The following BTBD1 variants were observed in gnomAD, a reference collection of about 807,000 sequenced individuals.
BTBD1 encodes the protein BTB domain containing 1.
A neutral mutation model predicts 48.0 loss-of-function variants in BTBD1; 34 were observed. That is an observed-to-expected ratio of 0.71 (90% confidence interval 0.54 to 0.94). The LOEUF (loss-of-function observed/expected upper bound fraction) is 0.94. BTBD1 is among the 40% of genes least tolerant of loss of function. The probability of loss-of-function intolerance (pLI) is 0.00; values close to 1 mark genes in which losing one functional copy is unlikely to be tolerated. For synonymous variants in BTBD1, 261 were observed against 242.1 expected, an observed-to-expected ratio of 1.08 and a Z score of -0.72; for missense variants, 543 against 625.6, an observed-to-expected ratio of 0.87 and a Z score of 1.41.
chr15:83,020,416 C>A (rs539264992), intron 6 of BTBD1: 4 of 341,652 alleles, frequency 1.2e-5, no homozygotes, highest in Middle Eastern at 8.2e-4. Flanking sequence ...GACTGCACAG[C>A]AGGAAGTACT....
At chr15:83,049,582 C>T (rs1381095015) in intron 3 of BTBD1, among the ~76,000 whole-genome samples, 1 of 150,090 alleles carries the variant, frequency 6.7e-6, no homozygotes, top group Non-Finnish European at 1.5e-5. Context: ...TACCATATGT[C>T]CTCTCTTTTT....
chr15:83,058,874 G>C (rs2033132284), intron 1 of BTBD1, among the ~76,000 whole-genome samples: 1 of 152,136 alleles, frequency 6.6e-6, no homozygotes, highest in South Asian at 2.1e-4. Flanking sequence ...AAGGTTTGTA[G>C]AGAAATTTCT....
chr15:83,032,592 T>C (rs761496666), intron 4 of BTBD1, among the ~76,000 whole-genome samples: 7 of 152,120 alleles, frequency 4.6e-5, no homozygotes, highest in Non-Finnish European at 1.0e-4. Flanking sequence ...TTGGATGAAC[T>C]TGGAGGCCAT....
At position 83,022,701 on chromosome 15, in the gene BTBD1, C is replaced by T. The variant is rs185501615; in HGVS notation, c.1056-1939G>A. 7.1e-3 allele frequency: 1,051 copies of T among 147,312 alleles called. 7 individuals are homozygous for T. Among genetic ancestry groups the T allele is most frequent in the Non-Finnish European group, 0.012 (822 of 67,388 alleles). The allele number at this position is 147,312 out of a possible 1,614,324, so 9.1% of individuals were successfully genotyped here. On this transcript the variant is annotated intron_variant, in intron 5 of 7. Transcript: ENST00000261721. ...AAAATAGACCAGGCACAGTGGCTCA[C>T]GCCTGTAATCCCAGCACTTTGGGAG...
chr15:83,041,158 A>C (rs2032749289), intron 4 of BTBD1, among the ~76,000 whole-genome samples: 1 of 134,960 alleles, frequency 7.4e-6, no homozygotes, highest in African/African-American at 2.9e-5. Context: ...TCTCAAAAAA[A>C]GAAAAAAAAG....
At chr15:83,056,321 A>T in intron 2 of BTBD1, 68 bp downstream of exon 2, 1 of 977,344 alleles carries the variant, frequency 1.0e-6, no homozygotes, top group South Asian at 1.8e-5. Flanking sequence ...AGGAAATATT[A>T]AATGCCCATA....
intron 2 of BTBD1, among the ~76,000 whole-genome samples, chr15:83,051,383 T>C (rs1302869613): frequency 6.6e-6 from 1 of 151,898 alleles, no homozygotes; most frequent in East Asian, 1.9e-4. Flanking sequence ...CTGATAAATA[T>C]CTAAACAATT....
intron 4 of BTBD1, among the ~76,000 whole-genome samples, chr15:83,040,931 C>T (rs1319704879): frequency 6.6e-6 from 1 of 151,814 alleles, no homozygotes; most frequent in Non-Finnish European, 1.5e-5. Flanking sequence ...CTTTGGGAGG[C>T]TTGAGCCCAG....
chr15:83,052,391 T>C (rs561832581), intron 2 of BTBD1, among the ~76,000 whole-genome samples: 2 of 152,300 alleles, frequency 1.3e-5, no homozygotes, highest in Admixed American at 1.3e-4. Flanking sequence ...GCTTTTACTC[T>C]TAAATTTCCT....
chr15:83,066,390 A>G (rs1351662235), intron 1 of BTBD1, among the ~76,000 whole-genome samples: 1 of 152,204 alleles, frequency 6.6e-6, no homozygotes, highest in Non-Finnish European at 1.5e-5. Flanking sequence ...ACAAAAACAT[A>G]AAACTTCGCA....
intron 3 of BTBD1, among the ~76,000 whole-genome samples, chr15:83,045,430 G>A (rs1044717959): frequency 1.3e-5 from 2 of 152,060 alleles, no homozygotes; most frequent in African/African-American, 2.4e-5. Flanking sequence ...CCCGGGAGGC[G>A]GAGGCTGCAG....
chr15:83,044,406 G>T, intron 3 of BTBD1: 1 of 1,566,982 alleles, frequency 6.4e-7, no homozygotes, highest in East Asian at 2.3e-5. Flanking sequence ...GATGGCGCCT[G>T]GTGGACAGCA....
intron 3 of BTBD1, among the ~76,000 whole-genome samples, chr15:83,048,872 T>C (rs1650802818): frequency 6.6e-6 from 1 of 152,198 alleles, no homozygotes; most frequent in South Asian, 2.1e-4. Flanking sequence ...AAGAGAATCA[T>C]TTACCCAATT....
chr15:83,062,850 T>C (rs1333838923), intron 1 of BTBD1, among the ~76,000 whole-genome samples: 1 of 152,184 alleles, frequency 6.6e-6, no homozygotes, highest in Non-Finnish European at 1.5e-5. Context: ...CGTCATTCTC[T>C]GTTCCCCTTT....
chr15:83,029,855 C>CTCGGTG, intron 5 of BTBD1: 1 of 358,906 alleles, frequency 2.8e-6, no homozygotes, highest in Admixed American at 4.6e-5. Context: ...AGTGACAGAG[C>CTCGGTG]GACTCCATCT....
At chr15:83,041,689 A>ATAG (rs767136572) in intron 4 of BTBD1, 39 bp downstream of exon 4, 1 of 1,594,320 alleles carries the variant, frequency 6.3e-7, no homozygotes, top group Non-Finnish European at 8.6e-7. Flanking sequence ...AGACTATTAA[A>ATAG]ACAGTTTCAA....
chr15:83,024,902 A>G (rs2032373376), intron 5 of BTBD1, among the ~76,000 whole-genome samples: 1 of 152,136 alleles, frequency 6.6e-6, no homozygotes, highest in Non-Finnish European at 1.5e-5. Flanking sequence ...ACACCTGGCC[A>G]TATCATTTTC....
At chr15:83,045,744 C>G (rs904515229) in intron 3 of BTBD1, among the ~76,000 whole-genome samples, 4 of 152,010 alleles carry the variant, frequency 2.6e-5, no homozygotes, top group African/African-American at 9.7e-5. Context: ...CACCACGAAG[C>G]CCTTTCATAA....
At chr15:83,059,540 G>C (rs1425321128) in intron 1 of BTBD1, among the ~76,000 whole-genome samples, 1 of 152,090 alleles carries the variant, frequency 6.6e-6, no homozygotes, top group South Asian at 2.1e-4. Context: ...GCAAGACTCC[G>C]TCTCAAAAAC....
Sources: gnomAD v4.1 joint callset for allele counts (sites outside exome capture counted in the v4.1 genomes callset) on GRCh38, gnomAD v4.1.1 for gene constraint, MANE v1.5 for transcripts, NCBI Gene and HGNC (gene_info 2026-07-23, HGNC 2026-07-21) for gene names.